Variants in NLN observed in about 807,000 individuals in gnomAD.
The protein encoded by NLN is neurolysin, mitochondrial.
In NLN, 64 loss-of-function variants were observed where a neutral mutation model predicts 79.9. That is an observed-to-expected ratio of 0.80 (90% CI 0.65 to 0.99). The LOEUF is 0.99. Ranked by LOEUF, NLN falls within the 50% of genes least tolerant of loss-of-function variation. NLN has a pLI of 0.00. For synonymous variants in NLN, 267 were observed against 296.6 expected (o/e 0.90, Z 1.02); for missense variants, 835 against 858.7 (o/e 0.97, Z 0.34).
At chr5:65,735,924 T>C (rs777014565) in intron 1 of NLN, among the ~76,000 whole-genome samples, 1 of 152,224 alleles carries the variant, frequency 6.6e-6, no homozygotes, top group Non-Finnish European at 1.5e-5. Context: ...CTAATACTTA[T>C]TCATTTATCT....
rs768326002 is a variant in NLN, at chr5:65,781,335, C to T, written c.736C>T (p.Pro246Ser). ...CAAGTATAAAATTACCTTAAAATAT[C>T]CACACTATTTCCCTGTCATGAAGAA... ...DDKYKITLKY[P>S]HYFPVMKKCC... The change falls in exon 6 of 13, where the codon CCA becomes TCA. Residue 246 changes from proline to serine, a missense_variant. Coordinates refer to ENST00000380985, the MANE Select transcript of NLN (RefSeq NM_020726.5). 1 of 1,598,400 alleles carries T rather than the reference C, an allele frequency of 6.3e-7. No homozygotes were observed. Among genetic ancestry groups the T allele is most frequent in the Non-Finnish European group, 8.6e-7 (1 of 1,165,820 alleles).
At chr5:65,777,574 G>C in intron 4 of NLN, 40 bp downstream of exon 4, 2 of 1,261,154 alleles carry the variant, frequency 1.6e-6, no homozygotes, top group Non-Finnish European at 2.3e-6. Flanking sequence ...AAAAAAAAAT[G>C]AATAAATAAA....
rs181283584 is a variant in NLN, at chr5:65,737,009, G to C, written c.41+14595G>C. On this transcript the variant is annotated intron_variant, in intron 1 of 12. Transcript: ENST00000380985. ...GGTCCCAGCTACTCGGAAGGCTAAG[G>C]TGGGAGGATTGCTTGATCCTGGGAG... Among the ~76,000 whole-genome samples the C allele has an allele frequency of 7.0e-4, 106 of 152,238 alleles. 1 individual carries two copies. In the South Asian group the frequency reaches 9.1e-3, roughly 13 times the overall value.
chr5:65,748,008 C>A (rs1432341179), intron 1 of NLN, among the ~76,000 whole-genome samples: 1 of 152,106 alleles, frequency 6.6e-6, no homozygotes, highest in African/African-American at 2.4e-5. Flanking sequence ...CAAGACCAGC[C>A]TGGTCAACAT....
At position 65,825,714 on chromosome 5, in the gene NLN, C is replaced by T. The variant is rs1214922719; in HGVS notation, c.*2799C>T. The T allele has an allele frequency of 6.6e-6, 1 of 152,054 alleles. No homozygotes were observed. The highest frequency in any genetic ancestry group is 1.9e-4 in the East Asian group (1 of 5,192). 9.4% of individuals were successfully genotyped at this position (152,054 alleles called of 1,614,324 possible). On this transcript the variant is annotated 3_prime_UTR_variant, in exon 13 of 13. Coordinates refer to ENST00000380985, the MANE Select transcript of NLN (RefSeq NM_020726.5). The stretch of plus-strand genomic sequence containing the variant: ...ATGAAAAATTGCATTGTGGGAGATA[C>T]CAAAATTGAGGAAATAGCTCTTCAA...
chr5:65,750,123 A>G (rs1759071812), intron 1 of NLN, among the ~76,000 whole-genome samples: 1 of 152,136 alleles, frequency 6.6e-6, no homozygotes, highest in African/African-American at 2.4e-5. Context: ...CTTGGCATAC[A>G]TGTGCTGTCA....
In NLN at chr5:65,734,384, G is replaced by A. The variant is rs1306948404; in HGVS notation, c.41+11970G>A. ...GAAAAACAAAGGTGACTCAGCTGGG[G>A]GCAGAACTGGGTGAAAATGCTGACT... On this transcript the variant is annotated intron_variant, in intron 1 of 12. Coordinates refer to ENST00000380985, the MANE Select transcript of NLN (RefSeq NM_020726.5). Among the ~76,000 whole-genome samples the A allele has an allele frequency of 4.3e-5, 6 of 138,188 alleles. 1 individual carries two copies. The highest frequency in any genetic ancestry group is 9.5e-5 in the Non-Finnish European group (6 of 62,834). 90.7% of individuals were successfully genotyped at this position (138,188 alleles called of 152,430 possible). A position where few individuals can be genotyped will look rare whatever the true frequency, so the allele number is the denominator to read the frequency against.
At chr5:65,769,269 G>C (rs1759517695) in intron 3 of NLN, among the ~76,000 whole-genome samples, 1 of 152,204 alleles carries the variant, frequency 6.6e-6, no homozygotes, top group Non-Finnish European at 1.5e-5. Flanking sequence ...CAAAATAGGG[G>C]AGGAGGTGGG....
intron 1 of NLN, among the ~76,000 whole-genome samples, chr5:65,749,127 T>C (rs1180227017): frequency 1.3e-5 from 2 of 152,214 alleles, no homozygotes; most frequent in Non-Finnish European, 2.9e-5. Flanking sequence ...CTCCCAGCCA[T>C]GTGGAACTGT....
chr5:65,763,167 T>C, intron 3 of NLN, 59 bp downstream of exon 3: 1 of 1,450,658 alleles, frequency 6.9e-7, no homozygotes. Flanking sequence ...AAAAGAACAT[T>C]CAGTCATAAA....
At chr5:65,758,542 T>G (rs752814956) in intron 1 of NLN, 25 bp from the exon 2 acceptor site, 1 of 1,564,554 alleles carries the variant, frequency 6.4e-7, no homozygotes, top group Non-Finnish European at 8.8e-7. Flanking sequence ...TCCCTAATTC[T>G]TATTCTTTTT....
chr5:65,819,310 G>A (rs917175649), intron 12 of NLN, among the ~76,000 whole-genome samples: 1 of 152,122 alleles, frequency 6.6e-6, no homozygotes, highest in Non-Finnish European at 1.5e-5. Context: ...ACCACTCTAT[G>A]CCAGATATTA....
In NLN at chr5:65,747,188, G is replaced by A. The variant is rs1473785647; in HGVS notation, c.42-11379G>A. Among the ~76,000 whole-genome samples, 3 of 151,894 alleles carry A rather than the reference G, an allele frequency of 2.0e-5. No homozygotes were observed. The East Asian group carries it at 5.8e-4, about 29-fold the overall frequency. On this transcript the variant is annotated intron_variant, in intron 1 of 12. Transcript: ENST00000380985. ...CAGATGCAGCTATGTTCGTAGGAGG[G>A]AAGTGGAGGGAATTTCTGTGTGATG...
intron 12 of NLN, among the ~76,000 whole-genome samples, chr5:65,813,843 G>A (rs987831064): frequency 2.0e-5 from 3 of 151,978 alleles, no homozygotes; most frequent in African/African-American, 7.3e-5. Flanking sequence ...TGGGAGAGTT[G>A]CTTGAGCCTA....
intron 8 of NLN, among the ~76,000 whole-genome samples, chr5:65,790,044 A>G (rs941014088): frequency 2.0e-5 from 3 of 152,248 alleles, no homozygotes; most frequent in African/African-American, 4.8e-5. Flanking sequence ...AATTATAAAA[A>G]TGTTATAATT....
At chr5:65,804,062 C>A (rs1760352575) in intron 9 of NLN, among the ~76,000 whole-genome samples, 1 of 152,246 alleles carries the variant, frequency 6.6e-6, no homozygotes, top group Admixed American at 6.5e-5. Flanking sequence ...TTTAACTCTT[C>A]ACATAAAGGA....
intron 3 of NLN, among the ~76,000 whole-genome samples, chr5:65,768,341 A>G (rs564293172): frequency 6.6e-6 from 1 of 152,286 alleles, no homozygotes; most frequent in South Asian, 2.1e-4. Flanking sequence ...ACATGGTGGC[A>G]GGAGAGAGAG....
intron 8 of NLN, among the ~76,000 whole-genome samples, chr5:65,788,791 G>C (rs563802461): frequency 6.6e-6 from 1 of 152,160 alleles, no homozygotes; most frequent in South Asian, 2.1e-4. Context: ...GGGCAACATG[G>C]CAAAACTCTG....
intron 3 of NLN, among the ~76,000 whole-genome samples, chr5:65,768,743 G>A (rs553874986): frequency 6.6e-6 from 1 of 152,298 alleles, no homozygotes; most frequent in South Asian, 2.1e-4. Flanking sequence ...TTTCCTCAGT[G>A]TGTGCACATG....
Sources: allele counts gnomAD v4.1 joint callset (sites outside exome capture counted in the v4.1 genomes callset), GRCh38; gene constraint gnomAD v4.1.1; transcripts MANE v1.5; gene names NCBI Gene and HGNC (gene_info 2026-07-23, HGNC 2026-07-21).